ACTR8: variants seen among roughly 807,000 people sequenced by gnomAD.
ACTR8 encodes the protein actin-related protein 8.
ACTR8 carries 70 observed loss-of-function variants against 84.3 expected under a neutral mutation model. The observed-to-expected ratio is 0.83, with a 90% CI of 0.68 to 1.01. The LOEUF is 1.01. Among genes scored for constraint, ACTR8 ranks in the 50% least tolerant of loss-of-function variants. The probability of loss-of-function intolerance (pLI) is 0.00; values close to 1 mark genes in which losing one functional copy is unlikely to be tolerated. For missense variants in ACTR8, 672 were observed against 775.4 expected (o/e 0.87, Z 1.58); for synonymous variants, 268 against 275.2 (o/e 0.97, Z 0.26).
intron 11 of ACTR8, 197 bp downstream of exon 11, chr3:53,871,035 T>G (rs1699875551): frequency 3.0e-6 from 2 of 655,840 alleles, no homozygotes; most frequent in Non-Finnish European, 5.0e-6. Context: ...CTGACTTATT[T>G]TGGCCTCTTC....
the ACTR8 span, chr3:53,860,597 T>C: frequency 2.5e-5 from 4 of 160,074 alleles, no homozygotes; most frequent in Non-Finnish European, 5.5e-5. Flanking sequence ...TAAGAAAAGC[T>C]TTCGCTTGGA....
intron 6 of ACTR8, among the ~76,000 whole-genome samples, chr3:53,876,409 A>G (rs1699969282): frequency 6.6e-6 from 1 of 151,906 alleles, no homozygotes; most frequent in Non-Finnish European, 1.5e-5. Context: ...GTCCCAGCCA[A>G]TCAGGAGGCT....
At chr3:53,879,709 A>G (rs780280973) in intron 2 of ACTR8, among the ~76,000 whole-genome samples, 2 of 152,196 alleles carry the variant, frequency 1.3e-5, no homozygotes, top group Admixed American at 6.5e-5. Context: ...TGTGTCTTCC[A>G]TTATAGATCA....
rs751178015 is a variant in ACTR8, at chr3:53,868,812, A to T, written c.1782T>A (p.Cys594Ter). Residue 594 changes from cysteine (C) to a stop codon, truncating the protein, a stop_gained, in exon 13 of 13, where the codon TGT (cysteine) becomes TGA (stop). Transcript: ENST00000335754. LOFTEE classifies it high-confidence loss of function. Reference sequence around the variant, plus strand: ...TCCACAGTTCCTGTGTTGTATCCAAACAAGCCAACACTGCCCCTCCTTTCC... The same window carrying T: ...TCCACAGTTCCTGTGTTGTATCCAATCAAGCCAACACTGCCCCTCCTTTCC... ...IAWKGGAVLA[C>*]LDTTQELWIY... 1 of 1,614,210 alleles carries T rather than the reference A, an allele frequency of 6.2e-7. No homozygotes were observed. Among genetic ancestry groups the T allele is most frequent in the South Asian group, 1.1e-5 (1 of 91,086 alleles).
Position 53,870,274 on chromosome 3 carries a change from C to A in ACTR8, c.1568-129G>T. Reference sequence around the variant, plus strand: ...AGATTTCCCTCCAGCCCACCCTCCACACTGCAGCCAGGGGAACCCTACGAA... The same window carrying A: ...AGATTTCCCTCCAGCCCACCCTCCAAACTGCAGCCAGGGGAACCCTACGAA... On this transcript the variant is annotated intron_variant, in intron 11 of 12. Transcript: ENST00000335754. The surrounding 1 kb of genome is among the most constrained non-coding windows in gnomAD (Gnocchi z 4.1). 1.9e-6 allele frequency: 2 copies of A among 1,080,614 alleles called. No individual in the cohort carries two copies. Among genetic ancestry groups the A allele is most frequent in the Middle Eastern group, 2.1e-4 (1 of 4,692 alleles). The allele number at this position is 1,080,614 out of a possible 1,614,324, so 66.9% of individuals were successfully genotyped here.
At position 53,882,083 on chromosome 3, in the gene ACTR8, C is replaced by G; in HGVS notation, c.19G>C (p.Gly7Arg). 1 of 1,551,632 alleles carries G rather than the reference C, an allele frequency of 6.4e-7. No individual in the cohort carries two copies. The highest frequency in any genetic ancestry group is 8.7e-7 in the Non-Finnish European group (1 of 1,146,858). Residue 7 changes from glycine to arginine, a missense_variant, in exon 1 of 13, where the codon GGT (glycine) becomes CGT (arginine). Gly to Arg is a moderately radical substitution (Grantham distance 125). Transcript: ENST00000335754. MTQAEK[G>R]DTENGKEKGG... ...TTCTCCTTTCCGTTCTCCGTATCAC[C>G]CTTCTCAGCCTGGGTCATTATGGCC...
At chr3:53,871,022 A>C (rs1699875384) in intron 11 of ACTR8, 1 of 603,040 alleles carries the variant, frequency 1.7e-6, no homozygotes, top group Non-Finnish European at 2.8e-6. Flanking sequence ...TTTGTGTAAT[A>C]ATCTGACTTA....
intron 8 of ACTR8, 133 bp from the exon 9 acceptor site, chr3:53,873,260 T>TATAATTTAGTA (rs1236604391): frequency 1.2e-5 from 6 of 509,504 alleles, no homozygotes; most frequent in Non-Finnish European, 2.1e-5. Context: ...CCACTCACAC[T>TATAATTTAGTA]ATAATTTAGT....
chr3:53,881,771 C>A lies in ACTR8; in HGVS notation c.123+208G>T. ...GATCGGAGCGGTGTCCCTGCGGGGG[C>A]TCCGCCTGGCTCCTGGCGCTCCGCA... is the stretch of plus-strand genomic sequence containing the variant. On this transcript the variant is annotated intron_variant, in intron 1 of 12. Coordinates refer to ENST00000335754, the MANE Select transcript of ACTR8 (RefSeq NM_022899.5). 3 of 752,052 alleles carry A rather than the reference C, an allele frequency of 4.0e-6. No homozygotes were observed. The South Asian group carries it at 5.5e-5, about 14-fold the overall frequency. 46.6% of individuals were successfully genotyped at this position (752,052 alleles called of 1,614,324 possible). A position where few individuals can be genotyped will look rare whatever the true frequency, so the allele number is the denominator to read the frequency against.
the ACTR8 span, chr3:53,861,476 T>C: frequency 1.3e-5 from 2 of 152,204 alleles, no homozygotes; most frequent in African/African-American, 4.8e-5. Flanking sequence ...ATGAAAACCT[T>C]GCACATTTTG....
intron 2 of ACTR8, 23 bp from the exon 3 acceptor site, chr3:53,878,490 G>A: frequency 7.1e-7 from 1 of 1,402,432 alleles, no homozygotes; most frequent in Non-Finnish European, 1.0e-6. Context: ...TGAAAGATGA[G>A]CAGTACAAAG....
intron 10 of ACTR8, among the ~76,000 whole-genome samples, chr3:53,871,868 C>T (rs1319946681): frequency 6.6e-6 from 1 of 152,172 alleles, no homozygotes; most frequent in Non-Finnish European, 1.5e-5. Context: ...ACTTTCAGAT[C>T]CTATGAGTCC....
intron 2 of ACTR8, among the ~76,000 whole-genome samples, 165 bp downstream of exon 2, chr3:53,879,774 T>C (rs1233607417): frequency 3.9e-5 from 6 of 152,256 alleles, no homozygotes; most frequent in Admixed American, 3.9e-4. Context: ...TAACTAATTC[T>C]TTACATCTAA....
the ACTR8 span, chr3:53,859,945 G>C: frequency 2.0e-6 from 1 of 490,492 alleles, no homozygotes; most frequent in Non-Finnish European, 3.7e-6. Flanking sequence ...GGGAGACGGA[G>C]GCTGCAGTGA....
At chr3:53,869,800 C>A (rs1363810403) in intron 12 of ACTR8, among the ~76,000 whole-genome samples, 182 bp downstream of exon 12, 1 of 152,180 alleles carries the variant, frequency 6.6e-6, no homozygotes, top group Non-Finnish European at 1.5e-5. Context: ...AGCAGAAATC[C>A]AGTACCTTAG....
At chr3:53,877,870 T>A (rs973523287) in intron 3 of ACTR8, 119 bp from the exon 4 acceptor site, 3 of 772,366 alleles carry the variant, frequency 3.9e-6, no homozygotes. Flanking sequence ...TCACAAATAT[T>A]TGGCAAAATA....
chr3:53,865,481 G>T, downstream of ACTR8: 1 of 538,586 alleles, frequency 1.9e-6, no homozygotes, highest in Admixed American at 3.5e-5. Context: ...ATTAACTAAC[G>T]ATTGGAAACT....
intron 7 of ACTR8, among the ~76,000 whole-genome samples, chr3:53,875,008 G>A (rs1344087570): frequency 2.0e-5 from 3 of 152,220 alleles, no homozygotes; most frequent in Non-Finnish European, 4.4e-5. Context: ...TAGCATGTAA[G>A]GCAGCAATGA....
At chr3:53,865,333 T>C (rs375781273), downstream of ACTR8, 6 of 1,566,262 alleles carry the variant, frequency 3.8e-6, no homozygotes, top group East Asian at 6.7e-5. Context: ...GCAAGAGACC[T>C]TAAAGGCTTC....
Sources: gnomAD v4.1 joint callset for allele counts (sites outside exome capture counted in the v4.1 genomes callset) on GRCh38, gnomAD v4.1.1 for gene constraint, Gnocchi (gnomAD v3.1) non-coding constraint, MANE v1.5 for transcripts, NCBI Gene and HGNC (gene_info 2026-07-23, HGNC 2026-07-21) for gene names.